The following RASGRP2 variants were observed in gnomAD, a reference collection of about 807,000 sequenced individuals.
The protein encoded by RASGRP2 is RAS guanyl releasing protein 2.
Under a neutral mutation model 71.0 loss-of-function variants are expected in RASGRP2, and 44 were observed. The ratio of observed to expected loss-of-function variants is 0.62; its 90% CI spans 0.49 to 0.80. The LOEUF (loss-of-function observed/expected upper bound fraction) is 0.80, where lower values mean the gene tolerates loss of function less well. Among genes scored for constraint, RASGRP2 ranks in the 30% least tolerant of loss-of-function variants. RASGRP2 has a pLI of 0.00. For synonymous variants in RASGRP2, 350 were observed against 330.7 expected, an observed-to-expected ratio of 1.06 and a Z score of -0.63; for missense variants, 663 against 813.4, an observed-to-expected ratio of 0.82 and a Z score of 2.25.
In RASGRP2 at chr11:64,738,077, C is replaced by T. The variant is rs537490226; in HGVS notation, c.814-1043G>A. Among the ~76,000 whole-genome samples, 68 of 151,930 alleles carry T rather than the reference C, an allele frequency of 4.5e-4. 1 individual carries two copies. Among genetic ancestry groups the T allele is most frequent in the African/African-American group, 1.4e-3 (60 of 41,412 alleles). ...AAATAAATAAATGAATTGGGGTAGA[C>T]GTACAATAAAATATTATATGGCAAT... On this transcript the variant is annotated intron_variant, in intron 8 of 16. Transcript: ENST00000394432.
chr11:64,734,432 C>T (rs1342914498), intron 12 of RASGRP2, among the ~76,000 whole-genome samples: 2 of 152,020 alleles, frequency 1.3e-5, no homozygotes, highest in African/African-American at 4.8e-5. Context: ...GGATTACAGG[C>T]GTGAGGCACC....
At position 64,737,000 on chromosome 11, in the gene RASGRP2, G is replaced by A. The variant is rs1382210829; in HGVS notation, c.848C>T (p.Thr283Ile). 6.2e-7 allele frequency: 1 copy of A among 1,613,926 alleles called. No individual in the cohort carries two copies. Among genetic ancestry groups the A allele is most frequent in the Non-Finnish European group, 8.5e-7 (1 of 1,180,032 alleles). The change falls in exon 9 of 17, where the codon ACA becomes ATA. Residue 283 changes from threonine to isoleucine, a missense_variant. Transcript: ENST00000394432. ...ACGCCGGTAGTTGCCATAGTTGCCT[G>A]TCGCCGTCACTAGTTCCGTGAGACC... The part of the protein sequence containing the change: ...WEGLTELVTA[T>I]GNYGNYRRRL...
intron 12 of RASGRP2, among the ~76,000 whole-genome samples, chr11:64,732,522 G>A (rs1269613174): frequency 6.7e-6 from 1 of 150,040 alleles, no homozygotes; most frequent in Non-Finnish European, 1.5e-5. Context: ...GGCTGGGTGA[G>A]GTGGCTCACG....
rs1313067469 is a variant in RASGRP2, at chr11:64,743,317, C to T, written c.-71-380G>A. On this transcript the variant is annotated intron_variant, in intron 1 of 16. Transcript: ENST00000394432. The surrounding 1 kb of genome is among the most constrained non-coding windows in gnomAD (Gnocchi z 4.9). ...CGCCCCTCCCGCTTCCCTCCCTCCA[C>T]AGCCTCCCTTCCCCCGCAGGGTTAT... 2 of 452,638 alleles carry T rather than the reference C, an allele frequency of 4.4e-6. No homozygotes were observed. The highest frequency in any genetic ancestry group is 2.5e-5 in the Admixed American group (1 of 40,420). 28.0% of individuals were successfully genotyped at this position (452,638 alleles called of 1,614,324 possible).
At chr11:64,741,158 T>C (rs2135790717) in intron 4 of RASGRP2, 79 bp from the exon 5 acceptor site, 1 of 1,546,554 alleles carries the variant, frequency 6.5e-7, no homozygotes, top group African/African-American at 1.4e-5. Flanking sequence ...TTTGAGATTA[T>C]AGTCACCTAA....
intron 12 of RASGRP2, 101 bp from the exon 13 acceptor site, chr11:64,730,295 T>C: frequency 6.8e-7 from 1 of 1,460,042 alleles, no homozygotes; most frequent in Non-Finnish European, 9.4e-7. Flanking sequence ...ATGGAACTCC[T>C]GATTTTGGAC....
chr11:64,728,997 A>G lies in RASGRP2; in HGVS notation c.1637T>C (p.Val546Ala). ...ACTCTGGGCCCTGCGCCGACACTCAACTGACAGGCGATCCTTGCACTGCTT... is the reference window on the plus strand; with the variant it reads ...ACTCTGGGCCCTGCGCCGACACTCAGCTGACAGGCGATCCTTGCACTGCTT... ...CHKQCKDRLS[V>A]ECRRRAQSVS... The change falls in exon 15 of 17, where the codon GTT (valine) becomes GCT (alanine). Residue 546 changes from valine to alanine, a missense_variant. By Grantham distance (64) the Val-to-Ala change is moderately conservative. Transcript: ENST00000394432. 6.2e-7 allele frequency: 1 copy of G among 1,608,134 alleles called. No individual in the cohort carries two copies. The highest frequency in any genetic ancestry group is 1.1e-5 in the South Asian group (1 of 90,710).
At position 64,735,447 on chromosome 11, in the gene RASGRP2, T is replaced by C; in HGVS notation, c.1296+95A>G. The C allele has an allele frequency of 1.3e-6, 2 of 1,598,898 alleles. No individual in the cohort carries two copies. Among genetic ancestry groups the C allele is most frequent in the Non-Finnish European group, 1.7e-6 (2 of 1,172,998 alleles). On this transcript the variant is annotated intron_variant, in intron 11 of 16. Coordinates refer to ENST00000394432, the MANE Select transcript of RASGRP2 (RefSeq NM_001098671.2). The surrounding 1 kb of genome is among the most constrained non-coding windows in gnomAD (Gnocchi z 4.2). Reference sequence around the variant, plus strand: ...CCTGTGACTCCTAGGGGCTGAGTGCTGGGTCTTGAACAGGACACTCGTGCT... The same window carrying C: ...CCTGTGACTCCTAGGGGCTGAGTGCCGGGTCTTGAACAGGACACTCGTGCT...
chr11:64,741,570 C>T (rs1349938027), intron 3 of RASGRP2, 69 bp from the exon 4 acceptor site: 1 of 1,372,486 alleles, frequency 7.3e-7, no homozygotes, highest in Non-Finnish European at 1.0e-6. Context: ...AGGCTGGGGG[C>T]GGGGCCTGGT....
intron 9 of RASGRP2, among the ~76,000 whole-genome samples, chr11:64,736,506 A>G (rs1471029385): frequency 6.6e-6 from 1 of 151,984 alleles, no homozygotes; most frequent in Non-Finnish European, 1.5e-5. Flanking sequence ...CCAGAACTCA[A>G]CCCGGGACCC....
intron 15 of RASGRP2, among the ~76,000 whole-genome samples, chr11:64,727,771 C>A (rs137860313): frequency 2.0e-3 from 303 of 152,280 alleles, no homozygotes; most frequent in Non-Finnish European, 3.0e-3. Flanking sequence ...CCCACCTTGG[C>A]TTCCCAAAGT....
At chr11:64,734,590 G>A (rs2057870374) in intron 12 of RASGRP2, among the ~76,000 whole-genome samples, 2 of 151,830 alleles carry the variant, frequency 1.3e-5, no homozygotes, top group South Asian at 2.1e-4. Context: ...AAAATAAATC[G>A]ACCTGAGATG....
chr11:64,730,970 G>A (rs982654479), intron 12 of RASGRP2, among the ~76,000 whole-genome samples: 2 of 152,190 alleles, frequency 1.3e-5, no homozygotes, highest in African/African-American at 4.8e-5. Flanking sequence ...ACTGGCCCTC[G>A]CTTGAGACTC....
intron 12 of RASGRP2, 123 bp downstream of exon 12, chr11:64,734,989 T>C: frequency 2.5e-6 from 2 of 803,420 alleles, no homozygotes; most frequent in Non-Finnish European, 4.3e-6. Context: ...TTTCCCACAC[T>C]GGCAGCTTCC....
At chr11:64,740,730 C>T in intron 5 of RASGRP2, 2 of 690,048 alleles carry the variant, frequency 2.9e-6, no homozygotes, top group Non-Finnish European at 5.3e-6. Flanking sequence ...AGCGCAGCTA[C>T]AGGAGGAGGT....
At chr11:64,744,426 C>A, upstream of RASGRP2, 1 of 486,252 alleles carries the variant, frequency 2.1e-6, no homozygotes, top group Non-Finnish European at 2.7e-6. Flanking sequence ...CTGGCTCTAC[C>A]GCTTCCTCGT....
At chr11:64,741,227 T>C in intron 4 of RASGRP2, 148 bp from the exon 5 acceptor site, 1 of 1,178,176 alleles carries the variant, frequency 8.5e-7, no homozygotes, top group South Asian at 1.3e-5. Context: ...AAGTGTACAT[T>C]AGACCCTTGA....
In RASGRP2 at chr11:64,728,934, A is replaced by G. The variant is rs952154666; in HGVS notation, c.1700T>C (p.Met567Thr). 1.2e-6 allele frequency: 2 copies of G among 1,613,000 alleles called. No homozygotes were observed. Among genetic ancestry groups the G allele is most frequent in the East Asian group, 2.2e-5 (1 of 44,886 alleles). Residue 567 changes from methionine (M) to threonine (T), a missense_variant, in exon 15 of 17, where the codon ATG (methionine) becomes ACG (threonine). Physicochemically the swap from Met to Thr is moderately conservative, Grantham distance 81. Transcript: ENST00000394432. ...LEGSAPSPSP[M>T]HSHHHRAFSF... ...GAAGGCGCGGTGATGGTGGCTGTGC[A>G]TGGGTGAGGGTGAGGGTGCAGACCC...
chr11:64,743,153 C>T lies in RASGRP2; in HGVS notation c.-71-216G>A. The T allele has an allele frequency of 1.6e-6, 1 of 634,542 alleles. No individual in the cohort carries two copies. The highest frequency in any genetic ancestry group is 2.9e-6 in the Non-Finnish European group (1 of 343,452). The allele number at this position is 634,542 out of a possible 1,614,324, so 39.3% of individuals were successfully genotyped here. A position where few individuals can be genotyped will look rare whatever the true frequency, so the allele number is the denominator to read the frequency against. On this transcript the variant is annotated intron_variant, in intron 1 of 16. Coordinates refer to ENST00000394432, the MANE Select transcript of RASGRP2 (RefSeq NM_001098671.2). This position sits in a 1 kb window ranked among gnomAD's most constrained non-coding sequence, Gnocchi z 4.9. Reference sequence around the variant, plus strand: ...GAGGCTTCCGGCCCACCCTCGGAGTCGCGGGAAGGCCGAGGGGCTTCACGA... The same window carrying T: ...GAGGCTTCCGGCCCACCCTCGGAGTTGCGGGAAGGCCGAGGGGCTTCACGA...
Sources: gnomAD v4.1 joint callset for allele counts (sites outside exome capture counted in the v4.1 genomes callset) on GRCh38, gnomAD v4.1.1 for gene constraint, Gnocchi (gnomAD v3.1) non-coding constraint, MANE v1.5 for transcripts, NCBI Gene and HGNC (gene_info 2026-07-23, HGNC 2026-07-21) for gene names.